The following RBFOX1 variants were observed in gnomAD, a reference collection of about 807,000 sequenced individuals.
The protein encoded by RBFOX1 is RNA binding fox-1 homolog 1.
Under a neutral mutation model 57.7 loss-of-function variants are expected in RBFOX1, and 8 were observed. The observed-to-expected ratio is 0.14, with a 90% CI of 0.08 to 0.25. The LOEUF (loss-of-function observed/expected upper bound fraction) is 0.25. Ranked by LOEUF, RBFOX1 falls within the 10% of genes least tolerant of loss-of-function variation. RBFOX1 has a pLI of 1.00. For missense variants in RBFOX1, 611 were observed against 548.5 expected, an observed-to-expected ratio of 1.11 and a Z score of -1.14; for synonymous variants, 326 against 222.4, an observed-to-expected ratio of 1.47 and a Z score of -4.15.
chr16:6,982,812 G>A (rs2089274902), intron 3 of RBFOX1, among the ~76,000 whole-genome samples: 1 of 152,026 alleles, frequency 6.6e-6, no homozygotes, highest in African/African-American at 2.4e-5. Context: ...GGCCAACATG[G>A]CGGAGCCCTG....
intron 2 of RBFOX1, among the ~76,000 whole-genome samples, chr16:5,523,819 A>G (rs7190879): frequency 0.48 from 73,406 of 151,790 alleles, 20,922 homozygotes; most frequent in East Asian, 0.96. Flanking sequence ...TGGAAGTAGG[A>G]AGAGAACAAG....
intron 3 of RBFOX1, among the ~76,000 whole-genome samples, chr16:5,834,722 GATACATAGATAC>G (rs1156456764): frequency 8.2e-5 from 11 of 133,724 alleles, no homozygotes; most frequent in African/African-American, 2.8e-4. Flanking sequence ...TAGATACATA[GATACATAGATAC>G]ATACATACAT....
chr16:6,147,609 G>T (rs960037773), intron 1 of RBFOX1, among the ~76,000 whole-genome samples: 2 of 152,016 alleles, frequency 1.3e-5, no homozygotes, highest in African/African-American at 2.4e-5. Flanking sequence ...AAGATGAAAA[G>T]AAATTGATTT....
At chr16:6,672,742 G>C (rs1216026519) in intron 3 of RBFOX1, among the ~76,000 whole-genome samples, 1 of 152,160 alleles carries the variant, frequency 6.6e-6, no homozygotes, top group South Asian at 2.1e-4. Flanking sequence ...CAGTGAGGCA[G>C]ACATCAGCAG....
intron 3 of RBFOX1, among the ~76,000 whole-genome samples, chr16:7,019,943 C>A (rs893415485): frequency 2.6e-5 from 4 of 152,090 alleles, no homozygotes; most frequent in African/African-American, 9.7e-5. Context: ...TTTGTTCTCT[C>A]CACCTGAAAC....
At chr16:7,678,448 C>G (rs890226659) in intron 14 of RBFOX1, among the ~76,000 whole-genome samples, 8 of 152,236 alleles carry the variant, frequency 5.3e-5, no homozygotes, top group South Asian at 2.1e-4. Flanking sequence ...TAATGTGGTT[C>G]AGCTGCAACC....
intron 3 of RBFOX1, among the ~76,000 whole-genome samples, chr16:5,719,061 A>T (rs988013552): frequency 6.6e-6 from 1 of 152,290 alleles, no homozygotes; most frequent in East Asian, 1.9e-4. Flanking sequence ...AGATAGCAAG[A>T]AGTCAGTAAA....
At chr16:7,642,905 T>C (rs1263640494) in intron 11 of RBFOX1, among the ~76,000 whole-genome samples, 2 of 152,244 alleles carry the variant, frequency 1.3e-5, no homozygotes, top group Non-Finnish European at 2.9e-5. Flanking sequence ...CATTCTCATT[T>C]TGCCGAATGT....
intron 2 of RBFOX1, among the ~76,000 whole-genome samples, chr16:6,454,719 C>A (rs1306787996): frequency 6.6e-6 from 1 of 152,056 alleles, no homozygotes; most frequent in East Asian, 1.9e-4. Flanking sequence ...AGGAAAATGT[C>A]TTTGTCTGTG....
chr16:6,588,344 C>T (rs1043809177), intron 2 of RBFOX1, among the ~76,000 whole-genome samples: 1 of 151,672 alleles, frequency 6.6e-6, no homozygotes, highest in Non-Finnish European at 1.5e-5. Context: ...ATTTCTTTCA[C>T]AGCTTTTGAT....
At chr16:6,218,929 T>C (rs1257942345) in intron 1 of RBFOX1, among the ~76,000 whole-genome samples, 1 of 151,748 alleles carries the variant, frequency 6.6e-6, no homozygotes, top group East Asian at 1.9e-4. Flanking sequence ...CAAGTATGAA[T>C]AGGGTATTAA....
intron 1 of RBFOX1, among the ~76,000 whole-genome samples, chr16:5,296,930 C>T (rs1475347405): frequency 6.6e-6 from 1 of 152,164 alleles, no homozygotes; most frequent in Non-Finnish European, 1.5e-5. Context: ...CCTGCCTCGA[C>T]CTCCCAAAGT....
intron 2 of RBFOX1, among the ~76,000 whole-genome samples, chr16:6,560,031 A>C (rs967074652): frequency 6.6e-6 from 1 of 152,222 alleles, no homozygotes; most frequent in East Asian, 1.9e-4. Context: ...ATCACTTACT[A>C]CCTATGCTAA....
intron 2 of RBFOX1, among the ~76,000 whole-genome samples, chr16:6,327,042 G>T (rs2082453965): frequency 6.6e-6 from 1 of 152,120 alleles, no homozygotes; most frequent in African/African-American, 2.4e-5. Context: ...CTGAAGACAT[G>T]GAGGAAATGA....
At chr16:6,577,747 A>G (rs1049191193) in intron 2 of RBFOX1, among the ~76,000 whole-genome samples, 2 of 152,202 alleles carry the variant, frequency 1.3e-5, no homozygotes, top group African/African-American at 4.8e-5. Context: ...ACACCCTACT[A>G]TCACCAAATC....
At chr16:5,894,278 T>G (rs1216999623) in intron 4 of RBFOX1, among the ~76,000 whole-genome samples, 2 of 152,186 alleles carry the variant, frequency 1.3e-5, no homozygotes, top group Admixed American at 6.5e-5. Context: ...ATTCAAAACA[T>G]TATAAAAACT....
At chr16:6,729,932 G>C (rs546590998) in intron 3 of RBFOX1, among the ~76,000 whole-genome samples, 3 of 152,086 alleles carry the variant, frequency 2.0e-5, no homozygotes, top group African/African-American at 7.2e-5. Context: ...GCCCGACTCC[G>C]AGAAGAGATA....
intron 3 of RBFOX1, among the ~76,000 whole-genome samples, chr16:5,650,289 C>G (rs1161775833): frequency 1.3e-5 from 2 of 152,102 alleles, no homozygotes; most frequent in Non-Finnish European, 1.5e-5. Flanking sequence ...TCTGGGCTCT[C>G]AGCCACACTC....
chr16:5,653,979 A>G (rs2049336878), intron 3 of RBFOX1, among the ~76,000 whole-genome samples: 1 of 152,158 alleles, frequency 6.6e-6, no homozygotes, highest in Middle Eastern at 3.2e-3. Context: ...CTGGTCGGCC[A>G]CTCACGCAGC....
Sources: gnomAD v4.1 joint callset for allele counts (sites outside exome capture counted in the v4.1 genomes callset) on GRCh38, gnomAD v4.1.1 for gene constraint, MANE v1.5 for transcripts, NCBI Gene and HGNC (gene_info 2026-07-23, HGNC 2026-07-21) for gene names.